The following ADCY7 variants were observed in gnomAD, a reference collection of about 807,000 sequenced individuals.
The protein encoded by ADCY7 is adenylate cyclase 7.
Under a neutral mutation model 120.6 loss-of-function variants are expected in ADCY7, and 72 were observed. The ratio of observed to expected loss-of-function variants is 0.60; its 90% CI spans 0.49 to 0.73. The LOEUF (loss-of-function observed/expected upper bound fraction) is 0.73. ADCY7 is among the 30% of genes least tolerant of loss of function. ADCY7 has a pLI of 0.00. For synonymous variants in ADCY7, 661 were observed against 628.0 expected (o/e 1.05, Z -0.78); for missense variants, 1,227 against 1,486.0 (o/e 0.83, Z 2.87).
intron 1 of ADCY7, among the ~76,000 whole-genome samples, chr16:50,255,221 T>C (rs546614860): frequency 6.3e-4 from 95 of 151,078 alleles, no homozygotes; most frequent in African/African-American, 2.3e-3. Context: ...TGCGTGAGCC[T>C]AGGAGCTTGA....
In ADCY7 at chr16:50,246,957, G is replaced by A. The variant is rs566309684; in HGVS notation, c.-64+754G>A. On this transcript the variant is annotated intron_variant, in intron 1 of 4. Coordinates refer to the ADCY7 transcript ENST00000564044. Reference sequence around the variant, plus strand: ...TGGAAATGACCACGTGGGCGCCGTGGACAGAAGTAGAGCCCTTAAAATGAG... The same window carrying A: ...TGGAAATGACCACGTGGGCGCCGTGAACAGAAGTAGAGCCCTTAAAATGAG... Among the ~76,000 whole-genome samples the A allele has an allele frequency of 4.0e-4, 61 of 152,352 alleles. No individual in the cohort carries two copies. The South Asian group carries it at 0.013, about 32-fold the overall frequency.
intron 8 of ADCY7, among the ~76,000 whole-genome samples, chr16:50,299,800 C>G (rs1316216821): frequency 6.6e-6 from 1 of 152,140 alleles, no homozygotes; most frequent in African/African-American, 2.4e-5. Context: ...CTGGTTCCGA[C>G]CCTGGAAGGC....
chr16:50,316,060 C>G lies in ADCY7; in HGVS notation c.*555C>G, dbSNP rs1369885193. 1 of 152,832 alleles carries G rather than the reference C, an allele frequency of 6.5e-6. No homozygotes were observed. Among genetic ancestry groups the G allele is most frequent in the Non-Finnish European group, 1.5e-5 (1 of 68,478 alleles). The allele number at this position is 152,832 out of a possible 1,614,324, so 9.5% of individuals were successfully genotyped here. A position where few individuals can be genotyped will look rare whatever the true frequency, so the allele number is the denominator to read the frequency against. ...TTCAAACAGGTAGAGAGAAAAACAC[C>G]ACAATTAACACTGTTACTTTTTGCC... On this transcript the variant is annotated 3_prime_UTR_variant, in exon 26 of 26. Transcript: ENST00000673801.
intron 19 of ADCY7, 74 bp from the exon 20 acceptor site, chr16:50,311,619 G>C: frequency 9.5e-7 from 1 of 1,055,110 alleles, no homozygotes. Context: ...GGTGTGCGTG[G>C]CACCTGGAGA....
chr16:50,273,513 T>C (rs1419965931), intron 1 of ADCY7, among the ~76,000 whole-genome samples: 1 of 152,212 alleles, frequency 6.6e-6, no homozygotes, highest in African/African-American at 2.4e-5. Flanking sequence ...AGGAGCTCAG[T>C]GGCACTTGGC....
intron 3 of ADCY7, 69 bp from the exon 4 acceptor site, chr16:50,291,666 CA>C (rs2034973500): frequency 6.3e-7 from 1 of 1,592,752 alleles, no homozygotes; most frequent in Admixed American, 1.7e-5. Context: ...TGCTGTGGTG[CA>C]GGGTTCCGGG....
chr16:50,270,654 C>G (rs983007313), intron 1 of ADCY7, among the ~76,000 whole-genome samples: 2 of 152,204 alleles, frequency 1.3e-5, no homozygotes, highest in African/African-American at 4.8e-5. Context: ...CCTGGGGGAG[C>G]CTGGGTGGTG....
intron 8 of ADCY7, among the ~76,000 whole-genome samples, chr16:50,299,278 G>T (rs1382769201): frequency 1.3e-5 from 2 of 151,628 alleles, no homozygotes; most frequent in Non-Finnish European, 2.9e-5. Context: ...AGAGCTGGGT[G>T]ATGTGAGGTC....
At position 50,282,974 on chromosome 16, in the gene ADCY7, T is replaced by G. The variant is rs538138355; in HGVS notation, c.-268-4938T>G. ...TGAACTCCTGGCTGGGGCTGGGCTG[T>G]GGAGCCTGGAAAGTGTGATGGAGGG... On this transcript the variant is annotated intron_variant, in intron 1 of 25. Coordinates refer to ENST00000673801, the MANE Select transcript of ADCY7 (RefSeq NM_001114.5). Among the ~76,000 whole-genome samples, 8 of 152,280 alleles carry G rather than the reference T, an allele frequency of 5.3e-5. No homozygotes were observed. The East Asian group carries it at 1.3e-3, about 26-fold the overall frequency.
intron 1 of ADCY7, among the ~76,000 whole-genome samples, chr16:50,272,823 C>T (rs1417966107): frequency 1.3e-5 from 2 of 152,132 alleles, no homozygotes; most frequent in African/African-American, 4.8e-5. Context: ...GTCTCCGGTA[C>T]CCCCTCTGGC....
Position 50,293,433 on chromosome 16 carries a change from A to G in ADCY7, c.767A>G (p.His256Arg), listed in dbSNP as rs778447446. Residue 256 changes from histidine to arginine, a missense_variant, in exon 6 of 26, where the codon CAT becomes CGT. His to Arg is a conservative substitution (Grantham distance 29, BLOSUM62 0). Coordinates refer to ENST00000673801, the MANE Select transcript of ADCY7 (RefSeq NM_001114.5). ...GCCATCATCGAACGGCTCAAGGAGCATGGTGACCGTCGCTGCATGCCTGAC... is the reference window on the plus strand; with the variant it reads ...GCCATCATCGAACGGCTCAAGGAGCGTGGTGACCGTCGCTGCATGCCTGAC... ...KLAIIERLKE[H>R]GDRRCMPDNN... is the part of the protein sequence containing the mutation. 7 of 1,613,938 alleles carry G rather than the reference A, an allele frequency of 4.3e-6. No homozygotes were observed. In the Admixed American group the frequency reaches 1.0e-4, roughly 23 times the overall value.
chr16:50,293,278 A>G, intron 5 of ADCY7, 76 bp from the exon 6 acceptor site: 4 of 1,538,124 alleles, frequency 2.6e-6, no homozygotes, highest in Non-Finnish European at 2.7e-6. Flanking sequence ...ACCTGATGCT[A>G]CCCTGCCTGT....
At chr16:50,257,916 T>A (rs1453303030) in intron 1 of ADCY7, among the ~76,000 whole-genome samples, 5 of 152,040 alleles carry the variant, frequency 3.3e-5, no homozygotes, top group African/African-American at 4.8e-5. Context: ...CTAATTTTTT[T>A]GTATTTTTTG....
At chr16:50,290,222 G>A (rs112471615) in intron 2 of ADCY7, among the ~76,000 whole-genome samples, 2 of 152,340 alleles carry the variant, frequency 1.3e-5, no homozygotes, top group African/African-American at 4.8e-5. Context: ...GGCATCATGG[G>A]CGGGGCTGTG....
In ADCY7 at chr16:50,311,721, C is replaced by T; in HGVS notation, c.2383C>T (p.Leu795=). Residue 795 remains leucine (L), a synonymous_variant, in exon 20 of 26, where the codon CTG becomes TTG. Coordinates refer to ENST00000673801, the MANE Select transcript of ADCY7 (RefSeq NM_001114.5). ...SGTPSCSWKD[L]KTMTNFYLVL... is the part of the protein sequence containing the mutation. ...CACCCCTAGCTGTTCCTGGAAGGACCTGAAGACCATGACCAATTTCTACCT... is the reference window on the plus strand; with the variant it reads ...CACCCCTAGCTGTTCCTGGAAGGACTTGAAGACCATGACCAATTTCTACCT... 6.2e-7 allele frequency: 1 copy of T among 1,613,078 alleles called. No homozygotes were observed.
At chr16:50,295,352 T>TTTTC (rs2035281140) in intron 7 of ADCY7, among the ~76,000 whole-genome samples, 1 of 74,868 alleles carries the variant, frequency 1.3e-5, no homozygotes, top group Non-Finnish European at 3.1e-5. Context: ...CTAATTTTTT[T>TTTTC]TTTTTTTTTT....
Position 50,304,540 on chromosome 16 carries a change from C to CGG in ADCY7, c.1550_1551dup (p.Arg518GlyfsTer86). 1.3e-6 allele frequency: 2 copies of CGG among 1,553,388 alleles called. No individual in the cohort carries two copies. The highest frequency in any genetic ancestry group is 1.7e-6 in the Non-Finnish European group (2 of 1,148,090). On this transcript the variant is annotated frameshift_variant, in exon 11 of 26. Coordinates refer to ENST00000673801, the MANE Select transcript of ADCY7 (RefSeq NM_001114.5). LOFTEE classifies it high-confidence loss of function. ...TGGTGAGACCCACGTCCCCAACGGG[C>CGG]GGAGGCCTAAGGTAGGTCCCCCTCC...
In ADCY7 at chr16:50,247,250, G is replaced by A. The variant is rs1280265092; in HGVS notation, c.-64+1047G>A. On this transcript the variant is annotated intron_variant, in intron 1 of 4. Coordinates refer to the ADCY7 transcript ENST00000564044. ...TGGGCTGTGGAGCTGGGGACAGGCTGTGGGGAGGGGTCAGACTCCAGGTCT... is the reference window on the plus strand; with the variant it reads ...TGGGCTGTGGAGCTGGGGACAGGCTATGGGGAGGGGTCAGACTCCAGGTCT... 2.0e-5 allele frequency among the ~76,000 whole-genome samples: 3 copies of A among 151,714 alleles called. No homozygotes were observed. The East Asian group carries it at 5.8e-4, about 29-fold the overall frequency.
At position 50,290,523 on chromosome 16, in the gene ADCY7, T is replaced by A; in HGVS notation, c.238T>A (p.Ser80Thr). ...GGTGCTGGCGGTGTTTGCGGCCCTC[T>A]CTGTGCTGATGTACGTCGAGTGTCT... Reference protein sequence around the residue: ...FLVLAVFAALSVLMYVECLLR... With the variant: ...FLVLAVFAALTVLMYVECLLR... The change falls in exon 3 of 26, where the codon TCT becomes ACT. Residue 80 changes from serine to threonine, a missense_variant. Around this residue, in one of 5 missense-constraint regions of ADCY7, gnomAD observed 382 missense variants for 411.4 expected, o/e 0.93. Coordinates refer to ENST00000673801, the MANE Select transcript of ADCY7 (RefSeq NM_001114.5). 6.2e-7 allele frequency: 1 copy of A among 1,614,230 alleles called. No homozygotes were observed.
Sources: gnomAD v4.1 joint callset for allele counts (sites outside exome capture counted in the v4.1 genomes callset) on GRCh38, gnomAD v4.1.1 for gene constraint, gnomAD v4.1.1 regional missense constraint, MANE v1.5 for transcripts, NCBI Gene and HGNC (gene_info 2026-07-23, HGNC 2026-07-21) for gene names.